Variants in ZMYND11 observed in about 807,000 individuals in gnomAD.
ZMYND11 encodes the protein zinc finger MYND domain-containing protein 11.
In ZMYND11, 9 loss-of-function variants were observed where a neutral mutation model predicts 84.9. That is an observed-to-expected ratio of 0.11 (90% CI 0.06 to 0.18). The LOEUF (loss-of-function observed/expected upper bound fraction) is 0.18, where lower values mean the gene tolerates loss of function less well. Among genes scored for constraint, ZMYND11 ranks in the 10% least tolerant of loss-of-function variants. The probability of loss-of-function intolerance (pLI) is 1.00; values close to 1 mark genes in which losing one functional copy is unlikely to be tolerated. For missense variants in ZMYND11, 409 were observed against 761.0 expected, an observed-to-expected ratio of 0.54 and a Z score of 5.44; for synonymous variants, 250 against 244.1, an observed-to-expected ratio of 1.02 and a Z score of -0.23.
chr10:137,514 T>C (rs1836394194), intron 1 of ZMYND11, among the ~76,000 whole-genome samples: 1 of 152,212 alleles, frequency 6.6e-6, no homozygotes, highest in Admixed American at 6.5e-5. Context: ...ATAGTAATTT[T>C]AGCTTAGTAA....
intron 2 of ZMYND11, among the ~76,000 whole-genome samples, chr10:204,448 C>T (rs1344171840): frequency 6.6e-6 from 1 of 152,054 alleles, no homozygotes; most frequent in African/African-American, 2.4e-5. Context: ...TATATGAATG[C>T]TGTTAGTAAA....
chr10:230,309 C>T (rs1342364233), intron 4 of ZMYND11, among the ~76,000 whole-genome samples: 2 of 151,614 alleles, frequency 1.3e-5, no homozygotes, highest in African/African-American at 2.4e-5. Context: ...TCTGTCTCTA[C>T]TAAAAATACA....
At chr10:159,067 G>T (rs1588528207) in intron 1 of ZMYND11, among the ~76,000 whole-genome samples, 1 of 82,204 alleles carries the variant, frequency 1.2e-5, no homozygotes, top group Admixed American at 1.5e-4. Context: ...ACTTTTTAAT[G>T]TTGAAGTCCA....
chr10:150,230 T>C (rs548712348), intron 1 of ZMYND11, among the ~76,000 whole-genome samples: 7 of 152,190 alleles, frequency 4.6e-5, no homozygotes, highest in Admixed American at 1.3e-4. Context: ...TGGCTGTGAA[T>C]CCGTCTGGTC....
At chr10:232,099 A>G (rs1161653441) in intron 4 of ZMYND11, among the ~76,000 whole-genome samples, 1 of 152,254 alleles carries the variant, frequency 6.6e-6, no homozygotes, top group East Asian at 1.9e-4. Context: ...CATATTATAA[A>G]GCATTGTTTT....
chr10:227,935 A>G (rs1948403265), intron 4 of ZMYND11, among the ~76,000 whole-genome samples: 2 of 152,326 alleles, frequency 1.3e-5, no homozygotes, highest in African/African-American at 4.8e-5. Flanking sequence ...TAGACATAGT[A>G]TTGAAAACAA....
chr10:210,855 T>C (rs757844239), intron 3 of ZMYND11, among the ~76,000 whole-genome samples: 8 of 152,128 alleles, frequency 5.3e-5, no homozygotes, highest in Non-Finnish European at 7.4e-5. Context: ...TCATTTAAGA[T>C]GATAGGTTTC....
chr10:152,056 C>T (rs1452888945), intron 1 of ZMYND11, among the ~76,000 whole-genome samples: 12 of 152,196 alleles, frequency 7.9e-5, no homozygotes, highest in African/African-American at 2.2e-4. Context: ...ACAAGAGCTC[C>T]TGAAGGAAGC....
At chr10:184,076 G>A (rs1318830622) in intron 2 of ZMYND11, among the ~76,000 whole-genome samples, 1 of 152,038 alleles carries the variant, frequency 6.6e-6, no homozygotes, top group East Asian at 1.9e-4. Flanking sequence ...ATTTTCCATT[G>A]AACTTTGTGG....
Position 248,382 on chromosome 10 carries a change from C to T in ZMYND11, c.1274C>T (p.Pro425Leu). The T allele has an allele frequency of 6.2e-7, 1 of 1,614,116 alleles. No homozygotes were observed. Among genetic ancestry groups the T allele is most frequent in the Non-Finnish European group, 8.5e-7 (1 of 1,180,010 alleles). The change falls in exon 13 of 15, where the codon CCC (proline) becomes CTC (leucine). Residue 425 changes from proline (P) to leucine (L), a missense_variant. By Grantham distance (98) the Pro-to-Leu change is moderately conservative (BLOSUM62 -3). Around this residue, in one of 7 missense-constraint regions of ZMYND11, gnomAD observed 141 missense variants for 173.8 expected, o/e 0.81. Transcript: ENST00000381604. ...TEAVSSSQEI[P>L]TMPQPIEKVS... ...GCAGTAAGTTCTAGCCAGGAAATACCCACGATGCCTCAGCCCATCGAAAAA... is the reference window on the plus strand; with the variant it reads ...GCAGTAAGTTCTAGCCAGGAAATACTCACGATGCCTCAGCCCATCGAAAAA...
intron 4 of ZMYND11, among the ~76,000 whole-genome samples, chr10:227,001 C>G (rs754117066): frequency 2.0e-5 from 3 of 152,078 alleles, no homozygotes; most frequent in Non-Finnish European, 2.9e-5. Context: ...GTTTAAGGAT[C>G]ACAAGTTTTA....
At chr10:223,300 A>G (rs1564409413) in intron 4 of ZMYND11, among the ~76,000 whole-genome samples, 1 of 152,104 alleles carries the variant, frequency 6.6e-6, no homozygotes, top group Non-Finnish European at 1.5e-5. Flanking sequence ...GGGCCTCCCA[A>G]AGTGCTGAGA....
chr10:247,706 G>A (rs928472941), intron 12 of ZMYND11, among the ~76,000 whole-genome samples: 1 of 152,168 alleles, frequency 6.6e-6, no homozygotes, highest in Non-Finnish European at 1.5e-5. Flanking sequence ...AGCAGCCGCT[G>A]ACCAAAGCTT....
In ZMYND11 at chr10:253,374, C is replaced by T. The variant is rs965714216; in HGVS notation, c.*904C>T. On this transcript the variant is annotated 3_prime_UTR_variant, in exon 15 of 15. Transcript: ENST00000381604. The stretch of plus-strand genomic sequence containing the variant: ...TATTATCTGGTGTCACCTCATGTAT[C>T]GTAAGTTAATACTAAAAGAAGAGAA... The T allele has an allele frequency of 1.3e-5, 2 of 152,534 alleles. No homozygotes were observed. The highest frequency in any genetic ancestry group is 2.1e-4 in the South Asian group (1 of 4,822). The allele number at this position is 152,534 out of a possible 1,614,324, so 9.4% of individuals were successfully genotyped here. A position where few individuals can be genotyped will look rare whatever the true frequency, so the allele number is the denominator to read the frequency against.
chr10:251,962 A>G (rs181248950), intron 14 of ZMYND11, among the ~76,000 whole-genome samples: 220 of 152,304 alleles, frequency 1.4e-3, no homozygotes, highest in African/African-American at 5.1e-3. Context: ...TATGTTAACG[A>G]CGAGAGAAGA....
chr10:225,628 A>G (rs962505125), intron 4 of ZMYND11, among the ~76,000 whole-genome samples: 3 of 152,182 alleles, frequency 2.0e-5, no homozygotes, highest in African/African-American at 4.8e-5. Flanking sequence ...GATTACAGGC[A>G]TGTGCCACCA....
intron 1 of ZMYND11, among the ~76,000 whole-genome samples, chr10:158,882 C>T (rs1457814482): frequency 4.6e-5 from 7 of 151,162 alleles, no homozygotes; most frequent in African/African-American, 1.7e-4. Flanking sequence ...CTGTTCAGAT[C>T]CTTTATCCAT....
At chr10:246,184 A>G (rs896421316) in intron 10 of ZMYND11, among the ~76,000 whole-genome samples, 3 of 152,232 alleles carry the variant, frequency 2.0e-5, no homozygotes, top group Non-Finnish European at 4.4e-5. Flanking sequence ...TGGCTAAATA[A>G]TCAGTGGCTC....
At chr10:243,273 CAATA>C (rs1589241408) in intron 10 of ZMYND11, among the ~76,000 whole-genome samples, 1 of 152,208 alleles carries the variant, frequency 6.6e-6, no homozygotes, top group East Asian at 1.9e-4. Context: ...AGTGAGTACT[CAATA>C]AATGTCAGCT....
Sources: gnomAD v4.1 joint callset for allele counts (sites outside exome capture counted in the v4.1 genomes callset) on GRCh38, gnomAD v4.1.1 for gene constraint, gnomAD v4.1.1 regional missense constraint, MANE v1.5 for transcripts, NCBI Gene and HGNC (gene_info 2026-07-23, HGNC 2026-07-21) for gene names.